The following SLC1A6 variants were observed in gnomAD, a reference collection of about 807,000 sequenced individuals.
SLC1A6 encodes excitatory amino acid transporter 4.
A neutral mutation model predicts 42.1 loss-of-function variants in SLC1A6; 15 were observed. The observed-to-expected ratio is 0.36, with a 90% confidence interval of 0.24 to 0.55. SLC1A6 has a LOEUF of 0.55. Among genes scored for constraint, SLC1A6 ranks in the 20% least tolerant of loss-of-function variants. The pLI is 0.88. For synonymous variants in SLC1A6, 317 were observed against 319.7 expected, an observed-to-expected ratio of 0.99 and a Z score of 0.09; for missense variants, 542 against 772.5, an observed-to-expected ratio of 0.70 and a Z score of 3.54.
intron 1 of SLC1A6, chr19:14,977,299 G>A (rs1257869876): frequency 6.6e-6 from 1 of 152,126 alleles, no homozygotes; most frequent in African/African-American, 2.4e-5. Context: ...GCTTGTTTTT[G>A]TAAATAAAGT....
At chr19:15,002,062 C>A (rs1011434287) in intron 1 of SLC1A6, among the ~76,000 whole-genome samples, 1 of 151,964 alleles carries the variant, frequency 6.6e-6, no homozygotes, top group African/African-American at 2.4e-5. Context: ...CTGATGCACA[C>A]GCTATTTCTC....
rs1318390160 is a variant in SLC1A6, at chr19:14,950,382, A to C, written c.1508T>G (p.Leu503Arg). 6.3e-7 allele frequency: 1 copy of C among 1,580,406 alleles called. No individual in the cohort carries two copies. The highest frequency in any genetic ancestry group is 8.6e-7 in the Non-Finnish European group (1 of 1,157,424). The part of the protein sequence containing the change: ...IIAVDWFLDR[L>R]RTMTNVLGDS... ...CCCCAGTACGTTGGTCATTGTGCGA[A>C]GCCGGTCACTGGTACAGGGGAGAAA... The change falls in exon 10 of 10, where the codon CTT becomes CGT. Residue 503 changes from leucine (L) to arginine (R), a missense_variant. Transcript: ENST00000594383.
chr19:15,005,420 A>G (rs1222591860), intron 1 of SLC1A6, among the ~76,000 whole-genome samples: 1 of 152,160 alleles, frequency 6.6e-6, no homozygotes, highest in Non-Finnish European at 1.5e-5. Context: ...GAGGCAGGAG[A>G]ATCACTTGAA....
In SLC1A6 at chr19:14,979,057, C is replaced by T. The variant is rs1398940077; in HGVS notation, c.-8+252G>A. Among the ~76,000 whole-genome samples the T allele has an allele frequency of 4.4e-5, 2 of 45,214 alleles. No homozygotes were observed. The highest frequency in any genetic ancestry group is 3.4e-4 in the African/African-American group (2 of 5,904). 29.7% of individuals were successfully genotyped at this position (45,214 alleles called of 152,430 possible). A position where few individuals can be genotyped will look rare whatever the true frequency, so the allele number is the denominator to read the frequency against. The stretch of plus-strand genomic sequence containing the variant: ...AGTCTCTCTCTCTCTCTGTCACACA[C>T]ACACACACACACACACACACACACA... On this transcript the variant is annotated intron_variant, in intron 1 of 9. Transcript: ENST00000594383. This position sits in a 1 kb window ranked among gnomAD's most constrained non-coding sequence, Gnocchi z 4.2.
intron 3 of SLC1A6, among the ~76,000 whole-genome samples, chr19:14,970,556 A>T (rs2045627515): frequency 6.6e-6 from 1 of 151,866 alleles, no homozygotes. Flanking sequence ...CTAAAAATAC[A>T]AAAAATTAGC....
At chr19:14,975,049 A>G (rs956815231) in intron 1 of SLC1A6, 98 of 56,720 alleles carry the variant, frequency 1.7e-3, no homozygotes, top group Non-Finnish European at 1.6e-3. Context: ...TCTACATTAT[A>G]ACATTCTTTC....
chr19:14,971,667 C>A, intron 3 of SLC1A6, 70 bp downstream of exon 3: 1 of 1,505,392 alleles, frequency 6.6e-7, no homozygotes. Context: ...CTTGGGATGG[C>A]CTTGGCTCTG....
intron 6 of SLC1A6, chr19:14,961,269 C>T (rs1328421816): frequency 2.0e-5 from 3 of 152,168 alleles, no homozygotes; most frequent in Non-Finnish European, 4.4e-5. Flanking sequence ...TGTTAGTTAG[C>T]TCAACTGAAC....
chr19:14,972,427 A>C (rs1340653307), intron 2 of SLC1A6, among the ~76,000 whole-genome samples: 1 of 110,548 alleles, frequency 9.0e-6, no homozygotes, highest in East Asian at 3.5e-4. Flanking sequence ...GTGTGTGTGC[A>C]TAGTAAAGTG....
At chr19:14,977,644 G>C (rs765287039) in intron 1 of SLC1A6, 1 of 152,106 alleles carries the variant, frequency 6.6e-6, no homozygotes, top group Non-Finnish European at 1.5e-5. Context: ...AGCCAGGCAC[G>C]GTGGCCTGTG....
At chr19:15,009,033 T>C (rs2045910636) in intron 1 of SLC1A6, among the ~76,000 whole-genome samples, 1 of 150,256 alleles carries the variant, frequency 6.7e-6, no homozygotes, top group Admixed American at 6.7e-5. Flanking sequence ...TATACATATA[T>C]GCTATCTACA....
intron 1 of SLC1A6, among the ~76,000 whole-genome samples, chr19:15,004,299 T>C (rs747970430): frequency 6.6e-6 from 1 of 152,128 alleles, no homozygotes; most frequent in Non-Finnish European, 1.5e-5. Context: ...GTTGTGTATA[T>C]GCATGCACAC....
intron 1 of SLC1A6, among the ~76,000 whole-genome samples, chr19:14,987,422 C>T (rs569073932): frequency 7.9e-5 from 12 of 151,670 alleles, no homozygotes; most frequent in Admixed American, 3.9e-4. Context: ...GAGCTGAGAT[C>T]GCACCACTGC....
chr19:15,002,674 A>G lies in SLC1A6; in HGVS notation c.6+7811T>C, dbSNP rs55718900. Among the ~76,000 whole-genome samples the G allele has an allele frequency of 6.9e-3, 1,049 of 152,268 alleles. 18 individuals carry two copies. The highest frequency in any genetic ancestry group is 0.024 in the African/African-American group (1,016 of 41,560). On this transcript the variant is annotated intron_variant, in intron 1 of 8. Coordinates refer to the SLC1A6 transcript ENST00000430939. ...CCTAACCCAGCTGAAAAAGAAATCC[A>G]TCATATTTGAGGGGTGGATGGCGGA...
intron 9 of SLC1A6, among the ~76,000 whole-genome samples, chr19:14,951,508 G>GGTTTTT (rs76779818): frequency 0.61 from 91,858 of 149,870 alleles, 28,218 homozygotes; most frequent in South Asian, 0.67. Flanking sequence ...TGTTGTTGCT[G>GGTTTTT]GTTTTTGTTT....
chr19:15,002,279 T>C (rs1052590848), intron 1 of SLC1A6, among the ~76,000 whole-genome samples: 12 of 151,838 alleles, frequency 7.9e-5, no homozygotes, highest in Admixed American at 5.3e-4. Flanking sequence ...TTGGTTTGGT[T>C]TGGGTTGGGT....
intron 1 of SLC1A6, among the ~76,000 whole-genome samples, chr19:14,994,498 A>G (rs2045835734): frequency 6.6e-6 from 1 of 151,990 alleles, no homozygotes; most frequent in Non-Finnish European, 1.5e-5. Context: ...CCACACCTTG[A>G]CCCAACTCCC....
chr19:15,002,964 A>ATGTTGTTGTTGTTGTTGT (rs140957015), intron 1 of SLC1A6, among the ~76,000 whole-genome samples: 27 of 150,814 alleles, frequency 1.8e-4, no homozygotes, highest in African/African-American at 6.4e-4. Context: ...TTTTTGTGGG[A>ATGTTGTTGTTGTTGTTGT]TGTTGTTGTT....
intron 6 of SLC1A6, among the ~76,000 whole-genome samples, chr19:14,960,930 C>CTT (rs58843508): frequency 0.051 from 7,086 of 138,604 alleles, 403 homozygotes; most frequent in African/African-American, 0.12. Context: ...TGGTCTCTCC[C>CTT]TTTTTTTTTT....
Sources: allele counts gnomAD v4.1 joint callset (sites outside exome capture counted in the v4.1 genomes callset), GRCh38; gene constraint gnomAD v4.1.1; non-coding constraint Gnocchi (gnomAD v3.1); transcripts MANE v1.5; gene names NCBI Gene and HGNC (gene_info 2026-07-23, HGNC 2026-07-21).